Variants in SORCS2 observed in about 807,000 individuals in gnomAD.
SORCS2 encodes the protein VPS10 domain-containing receptor SorCS2.
SORCS2 carries 100 observed loss-of-function variants against 141.6 expected under a neutral mutation model. That is an observed-to-expected ratio of 0.71 (90% CI 0.60 to 0.83). The LOEUF is 0.83. Ranked by LOEUF, SORCS2 falls within the 40% of genes least tolerant of loss-of-function variation. The probability of loss-of-function intolerance (pLI) is 0.00; values close to 1 mark genes in which losing one functional copy is unlikely to be tolerated. For missense variants in SORCS2, 1,646 were observed against 1,560.2 expected, an observed-to-expected ratio of 1.05 and a Z score of -0.93; for synonymous variants, 789 against 676.9, an observed-to-expected ratio of 1.17 and a Z score of -2.57.
At chr4:7,204,651 T>C (rs971277119) in intron 1 of SORCS2, among the ~76,000 whole-genome samples, 1 of 148,956 alleles carries the variant, frequency 6.7e-6, no homozygotes, top group Non-Finnish European at 1.5e-5. Context: ...AGGAGAAACA[T>C]GTGTGGCATT....
chr4:7,369,578 T>C (rs1722121061), intron 1 of SORCS2, among the ~76,000 whole-genome samples: 1 of 152,158 alleles, frequency 6.6e-6, no homozygotes, highest in South Asian at 2.1e-4. Context: ...CTGTTTGGAA[T>C]TTCTGAGATA....
At chr4:7,219,691 T>A (rs537549190) in intron 1 of SORCS2, among the ~76,000 whole-genome samples, 2 of 152,320 alleles carry the variant, frequency 1.3e-5, no homozygotes, top group African/African-American at 4.8e-5. Flanking sequence ...AACCACCCCA[T>A]GATCCAACCA....
At chr4:7,628,505 T>C (rs1412639191) in intron 3 of SORCS2, among the ~76,000 whole-genome samples, 3 of 135,968 alleles carry the variant, frequency 2.2e-5, no homozygotes, top group East Asian at 4.6e-4. Context: ...GGCAAAAGAG[T>C]GAGACTCCGT....
chr4:7,615,061 C>G (rs73216640), intron 3 of SORCS2, among the ~76,000 whole-genome samples: 4,397 of 152,320 alleles, frequency 0.029, 121 homozygotes, highest in African/African-American at 0.069. Context: ...ATTCACCCAT[C>G]CACCATCTCT....
intron 1 of SORCS2, among the ~76,000 whole-genome samples, chr4:7,311,856 C>CT (rs1560183404): frequency 6.6e-6 from 1 of 151,544 alleles, no homozygotes; most frequent in African/African-American, 2.4e-5. Context: ...CTTTTTCATT[C>CT]TTTTTTTAGT....
At chr4:7,257,327 G>A (rs553890402) in intron 1 of SORCS2, among the ~76,000 whole-genome samples, 195 of 143,340 alleles carry the variant, frequency 1.4e-3, no homozygotes, top group Admixed American at 2.3e-3. Context: ...GCTCAGCACC[G>A]ACCTTGGGGA....
chr4:7,598,237 G>A (rs1163077860), intron 3 of SORCS2, among the ~76,000 whole-genome samples: 1 of 152,178 alleles, frequency 6.6e-6, no homozygotes, highest in East Asian at 1.9e-4. Context: ...AAAGTGCTGG[G>A]ATTACAGGCG....
At chr4:7,540,471 AC>A (rs1712540388) in intron 3 of SORCS2, among the ~76,000 whole-genome samples, 1 of 152,084 alleles carries the variant, frequency 6.6e-6, no homozygotes, top group East Asian at 1.9e-4. Flanking sequence ...GCTTTGTGGG[AC>A]CCACACTCTG....
At chr4:7,309,092 C>CTGGGAGCCCCTTGGTTGTCAGGGT (rs1718022034) in intron 1 of SORCS2, among the ~76,000 whole-genome samples, 1 of 152,234 alleles carries the variant, frequency 6.6e-6, no homozygotes, top group Non-Finnish European at 1.5e-5. Flanking sequence ...ACCAGGCGGG[C>CTGGGAGCCCCTTGGTTGTCAGGGT]TGGGAGCCCC....
chr4:7,725,417 C>T, intron 20 of SORCS2, 130 bp downstream of exon 20: 1 of 1,336,098 alleles, frequency 7.5e-7, no homozygotes. Context: ...ACCCTTGGGC[C>T]CCTCCTGGGG....
At chr4:7,679,866 G>A (rs1053293426) in intron 9 of SORCS2, among the ~76,000 whole-genome samples, 8 of 151,926 alleles carry the variant, frequency 5.3e-5, no homozygotes, top group Non-Finnish European at 7.4e-5. Flanking sequence ...AGACCCACCC[G>A]GGGGCCTTGG....
rs371851041 is a variant in SORCS2, at chr4:7,531,587, C to T, written c.606C>T (p.Thr202=). ...TCACCCTCCAGCCTGGTGTCACCAC[C>T]GTCATCGACAATTTCTACATCTGCC... ...TKLTLQPGVT[T]VIDNFYICPT... The change falls in exon 3 of 27, where the codon ACC becomes ACT. Residue 202 remains threonine (T), a synonymous_variant. Coordinates refer to ENST00000507866, the MANE Select transcript of SORCS2 (RefSeq NM_020777.3). The T allele has an allele frequency of 1.9e-4, 309 of 1,613,900 alleles. 6 individuals carry two copies. In the South Asian group the frequency reaches 3.0e-3, roughly 16 times the overall value.
chr4:7,496,465 G>GTCCCCCGTCCCGCA (rs1731633112), intron 2 of SORCS2, among the ~76,000 whole-genome samples: 1 of 83,666 alleles, frequency 1.2e-5, no homozygotes, highest in Non-Finnish European at 2.2e-5. Context: ...CCCGTCCCCC[G>GTCCCCCGTCCCGCA]TCCCCCGTCC....
intron 2 of SORCS2, among the ~76,000 whole-genome samples, chr4:7,516,039 G>T (rs561433387): frequency 6.6e-6 from 1 of 152,210 alleles, no homozygotes; most frequent in African/African-American, 2.4e-5. Context: ...AGCAGTACCC[G>T]TGATGGTGTC....
chr4:7,335,905 G>T (rs905636276), intron 1 of SORCS2, among the ~76,000 whole-genome samples: 3 of 152,212 alleles, frequency 2.0e-5, no homozygotes, highest in African/African-American at 7.2e-5. Flanking sequence ...GGGCCTACCG[G>T]TGACCTGAGC....
chr4:7,388,115 C>T (rs1286487790), intron 1 of SORCS2, among the ~76,000 whole-genome samples: 1 of 148,598 alleles, frequency 6.7e-6, no homozygotes, highest in Non-Finnish European at 1.5e-5. Flanking sequence ...CAGACACATG[C>T]ACACACATGT....
intron 14 of SORCS2, among the ~76,000 whole-genome samples, chr4:7,710,564 G>A (rs1288641655): frequency 6.6e-6 from 1 of 152,192 alleles, no homozygotes; most frequent in Non-Finnish European, 1.5e-5. Context: ...CAATGCCCCA[G>A]GCATTGTTTG....
intron 1 of SORCS2, among the ~76,000 whole-genome samples, chr4:7,222,153 C>A (rs1036562703): frequency 8.9e-4 from 136 of 152,234 alleles, no homozygotes; most frequent in African/African-American, 3.2e-3. Context: ...ACCCAGCAGT[C>A]CCCTCCTAGG....
chr4:7,279,667 A>T (rs16839925), intron 1 of SORCS2, among the ~76,000 whole-genome samples: 5,720 of 152,248 alleles, frequency 0.038, 303 homozygotes, highest in East Asian at 0.23. Context: ...GAAGTACGAG[A>T]TTGAGTGTCC....
Sources: allele counts gnomAD v4.1 joint callset (sites outside exome capture counted in the v4.1 genomes callset), GRCh38; gene constraint gnomAD v4.1.1; transcripts MANE v1.5; gene names NCBI Gene and HGNC (gene_info 2026-07-23, HGNC 2026-07-21).